The following RRBP1 variants were observed in gnomAD, a reference collection of about 807,000 sequenced individuals.
RRBP1 encodes ribosome-binding protein 1.
Under a neutral mutation model 165.2 loss-of-function variants are expected in RRBP1, and 94 were observed. That is an observed-to-expected ratio of 0.57 (90% confidence interval 0.48 to 0.68). RRBP1 has a LOEUF of 0.68. Among genes scored for constraint, RRBP1 ranks in the 30% least tolerant of loss-of-function variants. The pLI is 0.00. For missense variants in RRBP1, 1,676 were observed against 1,763.0 expected (o/e 0.95, Z 0.88); for synonymous variants, 680 against 714.5 (o/e 0.95, Z 0.77).
At chr20:17,665,965 G>C (rs1438326394) in intron 2 of RRBP1, among the ~76,000 whole-genome samples, 1 of 152,110 alleles carries the variant, frequency 6.6e-6, no homozygotes, top group Non-Finnish European at 1.5e-5. Context: ...TTCCCCCACA[G>C]ACTCAGATGG....
rs563834836 is a variant in RRBP1 at position 17,621,791 on chromosome 20, C to A, written c.3241-18G>T. 1.2e-6 allele frequency: 2 copies of A among 1,613,656 alleles called. No individual in the cohort carries two copies. The highest frequency in any genetic ancestry group is 2.2e-5 in the South Asian group (2 of 91,072). ...GTGTAATTCTGCAATGAAACACATT[C>A]GGTGAGACCCGGGGACATTCCCTGA... On this transcript the variant is annotated intron_variant, in intron 14 of 24. Transcript: ENST00000377813.
chr20:17,657,930 T>C (rs2036674626), intron 3 of RRBP1, among the ~76,000 whole-genome samples: 1 of 152,220 alleles, frequency 6.6e-6, no homozygotes, highest in Non-Finnish European at 1.5e-5. Context: ...CGAGTCAGGC[T>C]GCACAAAAGC....
chr20:17,623,176 C>CA (rs2035949019), intron 13 of RRBP1: 1 of 150,904 alleles, frequency 6.6e-6, no homozygotes, highest in Non-Finnish European at 1.5e-5. Context: ...GGTAGCCAGA[C>CA]AGTCTCTGAG....
At chr20:17,653,172 G>A (rs1028280917) in intron 3 of RRBP1, among the ~76,000 whole-genome samples, 5 of 152,104 alleles carry the variant, frequency 3.3e-5, no homozygotes, top group Non-Finnish European at 5.9e-5. Context: ...GCAGCTACAT[G>A]CCCACCGTGC....
intron 13 of RRBP1, chr20:17,623,280 T>C (rs1754532787): frequency 3.3e-5 from 5 of 152,300 alleles, no homozygotes; most frequent in Admixed American, 3.3e-4. Flanking sequence ...CCCTAGCTAG[T>C]TGTCCTCATC....
In RRBP1 at chr20:17,660,430, G is replaced by A; in HGVS notation, c.78C>T (p.Phe26=). 1.2e-6 allele frequency: 2 copies of A among 1,614,162 alleles called. No homozygotes were observed. The highest frequency in any genetic ancestry group is 2.2e-5 in the South Asian group (2 of 91,076). Residue 26 remains phenylalanine (F), a synonymous_variant, in exon 3 of 25, where the codon TTC becomes TTT. Transcript: ENST00000377813. ...GFMVVSAIGI[F]LVSTFSMKET... is the part of the protein sequence containing the mutation. ...CCTTCATGGAGAAAGTCGACACCAG[G>A]AAGATGCCAATGGCAGAAACAACCA...
At chr20:17,664,641 A>G (rs1201722669) in intron 2 of RRBP1, among the ~76,000 whole-genome samples, 1 of 152,240 alleles carries the variant, frequency 6.6e-6, no homozygotes, top group East Asian at 1.9e-4. Context: ...GACACAGAAG[A>G]TATCTGCTAA....
intron 2 of RRBP1, among the ~76,000 whole-genome samples, chr20:17,672,064 C>T (rs1436886186): frequency 6.6e-6 from 1 of 152,198 alleles, no homozygotes; most frequent in Admixed American, 6.5e-5. Flanking sequence ...ATATACCATC[C>T]TTCATTACTA....
At chr20:17,636,443 A>C in intron 6 of RRBP1, 134 bp downstream of exon 6, 1 of 1,059,060 alleles carries the variant, frequency 9.4e-7, no homozygotes, top group East Asian at 2.5e-5. Context: ...AAACCTGACC[A>C]GACCTTACAG....
At position 17,633,531 on chromosome 20, in the gene RRBP1, G is replaced by C. The variant is rs111894600; in HGVS notation, c.2539C>G (p.Gln847Glu). The C allele has an allele frequency of 3.7e-6, 6 of 1,614,064 alleles. No individual in the cohort carries two copies. In the African/African-American group the frequency reaches 8.0e-5, roughly 22 times the overall value. ...ELVEKSEAVR[Q>E]DEQQRKALEA... is the part of the protein sequence containing the mutation. ...AGAGCTTTCCGCTGCTGCTCATCTT[G>C]CCGCACAGCCTCTGACTTCTCCACC... Residue 847 changes from glutamine (Q) to glutamate (E), a missense_variant, in exon 8 of 25, where the codon CAA becomes GAA. Physicochemically the swap from Gln to Glu is conservative, Grantham distance 29 (BLOSUM62 2). Coordinates refer to ENST00000377813, the MANE Select transcript of RRBP1 (RefSeq NM_001365613.2).
intron 2 of RRBP1, among the ~76,000 whole-genome samples, chr20:17,666,870 G>GCTTTGTCTTCAC (rs11087221): frequency 2.0e-5 from 3 of 152,070 alleles, no homozygotes; most frequent in African/African-American, 7.3e-5. Context: ...TTTACCAATT[G>GCTTTGTCTTCAC]CAGTTGACAT....
At chr20:17,645,122 TC>T (rs2036440201) in intron 3 of RRBP1, among the ~76,000 whole-genome samples, 1 of 152,156 alleles carries the variant, frequency 6.6e-6, no homozygotes, top group Non-Finnish European at 1.5e-5. Flanking sequence ...TTGAACTCTC[TC>T]CTTAAAGACC....
intron 3 of RRBP1, among the ~76,000 whole-genome samples, chr20:17,646,225 C>T (rs539706232): frequency 2.6e-5 from 4 of 152,356 alleles, no homozygotes; most frequent in African/African-American, 9.6e-5. Flanking sequence ...CTCAAAGCCA[C>T]AGGCCTGCCC....
intron 1 of RRBP1, 132 bp downstream of exon 1, chr20:17,681,896 C>A (rs1287966714): frequency 9.5e-5 from 14 of 147,358 alleles, no homozygotes. Flanking sequence ...CGGCGGCAGG[C>A]GGCGGGCGGC....
chr20:17,675,282 T>C (rs1183904287), intron 2 of RRBP1, among the ~76,000 whole-genome samples: 6 of 152,218 alleles, frequency 3.9e-5, no homozygotes, highest in South Asian at 2.1e-4. Flanking sequence ...TGTTTATATG[T>C]GATGCTCTAG....
Position 17,627,670 on chromosome 20 carries a change from T to G in RRBP1, c.2762A>C (p.Lys921Thr), listed in dbSNP as rs1290959667. 4.4e-6 allele frequency: 7 copies of G among 1,605,456 alleles called. No individual in the cohort carries two copies. Among genetic ancestry groups the G allele is most frequent in the Non-Finnish European group, 5.1e-6 (6 of 1,175,292 alleles). The change falls in exon 10 of 25, where the codon AAG becomes ACG. Residue 921 changes from lysine (K) to threonine (T), a missense_variant. Coordinates refer to ENST00000377813, the MANE Select transcript of RRBP1 (RefSeq NM_001365613.2). ...CACCTCCGCCTCGGAGGACTGTAAC[T>G]TGCTGTGCAGCTCTGGTGCAGAGGA... ...QQQQMAELHS[K>T]LQSSEAEVRS...
At chr20:17,669,380 TG>T (rs2036931930) in intron 2 of RRBP1, among the ~76,000 whole-genome samples, 1 of 152,216 alleles carries the variant, frequency 6.6e-6, no homozygotes, top group Admixed American at 6.5e-5. Context: ...AGCATGCCTA[TG>T]CGGTAGGAAT....
At chr20:17,640,556 C>T (rs7267054) in intron 5 of RRBP1, among the ~76,000 whole-genome samples, 11,028 of 152,190 alleles carry the variant, frequency 0.072, 453 homozygotes, top group African/African-American at 0.08. Context: ...GGACCTCTTC[C>T]GGCTTAGGGA....
intron 9 of RRBP1, among the ~76,000 whole-genome samples, chr20:17,629,509 C>T (rs969945330): frequency 6.6e-6 from 1 of 152,010 alleles, no homozygotes; most frequent in East Asian, 1.9e-4. Flanking sequence ...GTGCCTTCCA[C>T]CCCCATATGC....
Sources: allele counts gnomAD v4.1 joint callset (sites outside exome capture counted in the v4.1 genomes callset), GRCh38; gene constraint gnomAD v4.1.1; transcripts MANE v1.5; gene names NCBI Gene and HGNC (gene_info 2026-07-23, HGNC 2026-07-21).